The following GRIN2B variants were observed in gnomAD, a reference collection of about 807,000 sequenced individuals.
The protein encoded by GRIN2B is glutamate ionotropic receptor NMDA type subunit 2B.
In GRIN2B, 5 loss-of-function variants were observed where a neutral mutation model predicts 114.5. That is an observed-to-expected ratio of 0.04 (90% CI 0.02 to 0.09). The LOEUF (loss-of-function observed/expected upper bound fraction) is 0.09, where lower values mean the gene tolerates loss of function less well. Ranked by LOEUF, GRIN2B falls within the 10% of genes least tolerant of loss-of-function variation. GRIN2B has a pLI of 1.00. For missense variants in GRIN2B, 1,108 were observed against 1,943.5 expected (o/e 0.57, Z 8.08); for synonymous variants, 787 against 745.1 (o/e 1.06, Z -0.92).
At chr12:13,909,704 G>A (rs1257577883) in intron 2 of GRIN2B, among the ~76,000 whole-genome samples, 1 of 152,166 alleles carries the variant, frequency 6.6e-6, no homozygotes, top group Non-Finnish European at 1.5e-5. Flanking sequence ...ATAAGAAAGT[G>A]CCTTAAGGTG....
At chr12:13,717,496 T>A (rs1434633406) in intron 4 of GRIN2B, among the ~76,000 whole-genome samples, 1 of 151,976 alleles carries the variant, frequency 6.6e-6, no homozygotes, top group Non-Finnish European at 1.5e-5. Context: ...CAGTATGAAC[T>A]AGATATGATA....
At chr12:13,912,799 A>G (rs1866646626) in intron 2 of GRIN2B, among the ~76,000 whole-genome samples, 1 of 151,976 alleles carries the variant, frequency 6.6e-6, no homozygotes, top group South Asian at 2.1e-4. Context: ...GTATTTTGTA[A>G]AGTGCACTTT....
chr12:13,546,498 A>T lies in GRIN2B; in HGVS notation c.*16285T>A, dbSNP rs1295197627. On this transcript the variant is annotated 3_prime_UTR_variant, in exon 14 of 14. Transcript: ENST00000609686. ...ATGTGGGTGTCATCGTCTCTTCACC[A>T]CCAAACCATTCTACCCCAATTTCCC... 6.6e-6 allele frequency: 1 copy of T among 152,144 alleles called. No individual in the cohort carries two copies. Among genetic ancestry groups the T allele is most frequent in the African/African-American group, 2.4e-5 (1 of 41,426 alleles). The allele number at this position is 152,144 out of a possible 1,614,324, so 9.4% of individuals were successfully genotyped here.
chr12:13,698,469 T>G (rs892499989), intron 4 of GRIN2B, among the ~76,000 whole-genome samples: 2 of 152,216 alleles, frequency 1.3e-5, no homozygotes, highest in Non-Finnish European at 2.9e-5. Context: ...AAAATATATT[T>G]ATAACAGATT....
chr12:13,898,028 A>ATAAAT (rs1555154300), intron 2 of GRIN2B, among the ~76,000 whole-genome samples: 1 of 150,502 alleles, frequency 6.6e-6, no homozygotes, highest in Non-Finnish European at 1.5e-5. Flanking sequence ...AAATAAATAA[A>ATAAAT]AAAGAAAGGG....
At chr12:13,774,917 A>T (rs1312959479) in intron 3 of GRIN2B, among the ~76,000 whole-genome samples, 1 of 152,196 alleles carries the variant, frequency 6.6e-6, no homozygotes, top group African/African-American at 2.4e-5. Context: ...TATATGCGGC[A>T]TAGGAAAGGA....
chr12:13,877,545 C>G (rs1010104929), intron 2 of GRIN2B, among the ~76,000 whole-genome samples: 1 of 152,168 alleles, frequency 6.6e-6, no homozygotes, highest in African/African-American at 2.4e-5. Flanking sequence ...TTTAGTTGTT[C>G]TTGCCTTCCT....
At chr12:13,934,986 C>A (rs1285541615) in intron 2 of GRIN2B, among the ~76,000 whole-genome samples, 1 of 152,150 alleles carries the variant, frequency 6.6e-6, no homozygotes, top group African/African-American at 2.4e-5. Flanking sequence ...GTTCCTGGTT[C>A]ACCTGAATGG....
chr12:13,700,394 TA>T (rs1950300811), intron 4 of GRIN2B, among the ~76,000 whole-genome samples: 1 of 152,192 alleles, frequency 6.6e-6, no homozygotes, highest in Admixed American at 6.5e-5. Context: ...TGGAGTTCAT[TA>T]AAAATGACTG....
At chr12:13,691,987 G>A (rs1161000303) in intron 4 of GRIN2B, among the ~76,000 whole-genome samples, 1 of 152,148 alleles carries the variant, frequency 6.6e-6, no homozygotes, top group African/African-American at 2.4e-5. Context: ...GTGAGAATGT[G>A]TCTAAAGTGT....
At chr12:13,861,757 C>A (rs918979502) in intron 3 of GRIN2B, among the ~76,000 whole-genome samples, 1 of 152,178 alleles carries the variant, frequency 6.6e-6, no homozygotes, top group African/African-American at 2.4e-5. Context: ...CAACCATATG[C>A]CCTTCTTGGG....
chr12:13,964,131 T>C (rs58433359), intron 2 of GRIN2B, among the ~76,000 whole-genome samples: 2,166 of 152,294 alleles, frequency 0.014, 48 homozygotes, highest in African/African-American at 0.049. Flanking sequence ...AGAAAGCTAG[T>C]ATTCCTCTAT....
At position 13,562,745 on chromosome 12, in the gene GRIN2B, A is replaced by G. The variant is rs1384401040; in HGVS notation, c.*38T>C. ...TGCGCATCACGCGACCCACAGCCTT[A>G]CCCTCCCGTACCCACCTTAACCTCT... is the stretch of plus-strand genomic sequence containing the variant. On this transcript the variant is annotated 3_prime_UTR_variant, in exon 14 of 14. Transcript: ENST00000609686. 1 of 1,549,482 alleles carries G rather than the reference A, an allele frequency of 6.5e-7. No homozygotes were observed.
At chr12:13,674,959 C>A (rs1475774828) in intron 5 of GRIN2B, among the ~76,000 whole-genome samples, 1 of 152,076 alleles carries the variant, frequency 6.6e-6, no homozygotes, top group African/African-American at 2.4e-5. Flanking sequence ...TCTTGAGAGA[C>A]AAGAGCACTG....
At chr12:13,856,014 G>A (rs111320255) in intron 3 of GRIN2B, among the ~76,000 whole-genome samples, 1,996 of 152,274 alleles carry the variant, frequency 0.013, 42 homozygotes, top group African/African-American at 0.045. Context: ...GTGTTAACAA[G>A]ACAGGTTACA....
rs771565713 is a variant in GRIN2B at position 13,564,391 on chromosome 12, G to A, written c.2847C>T (p.Tyr949=). Residue 949 remains tyrosine (Y), a synonymous_variant, in exon 14 of 14, where the codon TAC becomes TAT. Coordinates refer to ENST00000609686, the MANE Select transcript of GRIN2B (RefSeq NM_000834.5). The surrounding 1 kb of genome is among the most constrained non-coding windows in gnomAD (Gnocchi z 4.8). The part of the protein sequence containing the change: ...RSFTHSDCKS[Y]NNPPCEENLF... The stretch of plus-strand genomic sequence containing the variant: ...GGTTCTCCTCACAGGGCGGGTTGTT[G>A]TAGGATTTGCAGTCAGAATGCGTGA... 4 of 1,614,096 alleles carry A rather than the reference G, an allele frequency of 2.5e-6. No individual in the cohort carries two copies. In the Admixed American group the frequency reaches 6.7e-5, roughly 27 times the overall value.
intron 4 of GRIN2B, among the ~76,000 whole-genome samples, chr12:13,699,973 G>A: frequency 6.6e-6 from 1 of 150,936 alleles, no homozygotes; most frequent in East Asian, 2.0e-4. Flanking sequence ...AGTGACACCA[G>A]ACCCTCAGAC....
chr12:13,688,220 C>A (rs1333349293), intron 4 of GRIN2B, among the ~76,000 whole-genome samples: 1 of 152,100 alleles, frequency 6.6e-6, no homozygotes, highest in Non-Finnish European at 1.5e-5. Flanking sequence ...AGAAAGAAGC[C>A]ACAAACTTCT....
chr12:13,757,580 G>A (rs901399162), intron 3 of GRIN2B, among the ~76,000 whole-genome samples: 2 of 152,196 alleles, frequency 1.3e-5, no homozygotes, highest in Non-Finnish European at 2.9e-5. Context: ...ATTACAAAAT[G>A]TTGACATGCA....
Sources: allele counts gnomAD v4.1 joint callset (sites outside exome capture counted in the v4.1 genomes callset), GRCh38; gene constraint gnomAD v4.1.1; non-coding constraint Gnocchi (gnomAD v3.1); transcripts MANE v1.5; gene names NCBI Gene and HGNC (gene_info 2026-07-23, HGNC 2026-07-21).